Variants in NAALADL2 observed in about 807,000 individuals in gnomAD.
The protein encoded by NAALADL2 is N-acetylated alpha-linked acidic dipeptidase like 2, also known as inactive N-acetylated-alpha-linked acidic dipeptidase-like protein 2.
A neutral mutation model predicts 87.2 loss-of-function variants in NAALADL2; 76 were observed. The observed-to-expected ratio is 0.87, with a 90% confidence interval of 0.72 to 1.05. NAALADL2 has a LOEUF of 1.05. Ranked by LOEUF, NAALADL2 falls within the 50% of genes least tolerant of loss-of-function variation. NAALADL2 has a pLI of 0.00. For missense variants in NAALADL2, 1,089 were observed against 945.8 expected, an observed-to-expected ratio of 1.15 and a Z score of -1.99; for synonymous variants, 354 against 331.0, an observed-to-expected ratio of 1.07 and a Z score of -0.75.
chr3:175,619,269 AGAAG>A (rs796946622), intron 10 of NAALADL2, among the ~76,000 whole-genome samples: 2,984 of 80,824 alleles, frequency 0.037, 37 homozygotes, highest in Non-Finnish European at 0.057. Context: ...GGAAGGAAGG[AGAAG>A]GAAAGAAAGA....
chr3:175,031,605 A>G (rs984335622), intron 1 of NAALADL2, among the ~76,000 whole-genome samples: 8 of 151,978 alleles, frequency 5.3e-5, no homozygotes, highest in African/African-American at 1.9e-4. Flanking sequence ...TTTTTGGTAG[A>G]ACGATTTATT....
intron 4 of NAALADL2, among the ~76,000 whole-genome samples, chr3:175,280,342 C>T (rs966712325): frequency 6.6e-6 from 1 of 152,050 alleles, no homozygotes; most frequent in Non-Finnish European, 1.5e-5. Flanking sequence ...CAGTTTACTG[C>T]CCCTCCTTCC....
At chr3:175,713,878 C>T (rs909150341) in intron 11 of NAALADL2, among the ~76,000 whole-genome samples, 1 of 152,096 alleles carries the variant, frequency 6.6e-6, no homozygotes, top group African/African-American at 2.4e-5. Context: ...TACCCCTTCT[C>T]TAGCCCCCCA....
At chr3:175,298,882 T>G (rs1005804680) in intron 4 of NAALADL2, among the ~76,000 whole-genome samples, 2 of 152,206 alleles carry the variant, frequency 1.3e-5, no homozygotes, top group Admixed American at 6.6e-5. Flanking sequence ...ATCCTTTGGT[T>G]AAATCTTTCT....
rs553428639 is a variant in NAALADL2, at chr3:175,660,945, G to T, written c.1896+33559G>T. Among the ~76,000 whole-genome samples, 2 of 152,120 alleles carry T rather than the reference G, an allele frequency of 1.3e-5. 1 individual carries two copies. Among genetic ancestry groups the T allele is most frequent in the East Asian group, 3.9e-4 (2 of 5,172 alleles). The stretch of plus-strand genomic sequence containing the variant: ...CTATATCTTGCCTATTGTGAATAGG[G>T]CTGCAATAAACATGACGGTGCAGAT... On this transcript the variant is annotated intron_variant, in intron 11 of 13. Coordinates refer to ENST00000454872, the MANE Select transcript of NAALADL2 (RefSeq NM_207015.3).
chr3:174,496,916 A>G (rs1284887049), intron 1 of NAALADL2, among the ~76,000 whole-genome samples: 1 of 152,144 alleles, frequency 6.6e-6, no homozygotes, highest in Admixed American at 6.5e-5. Context: ...ATTGTAAGTG[A>G]TAAAAATAAT....
At chr3:174,962,412 C>CATATATAT (rs59026426) in intron 1 of NAALADL2, among the ~76,000 whole-genome samples, 38 of 89,048 alleles carry the variant, frequency 4.3e-4, no homozygotes, top group African/African-American at 1.9e-3. Flanking sequence ...GTGACTATGA[C>CATATATAT]ATATATATAT....
At chr3:175,073,089 C>G (rs1389351012) in intron 1 of NAALADL2, among the ~76,000 whole-genome samples, 1 of 152,008 alleles carries the variant, frequency 6.6e-6, no homozygotes, top group Non-Finnish European at 1.5e-5. Context: ...TGCCACAAAT[C>G]TGTTGGCACT....
intron 1 of NAALADL2, among the ~76,000 whole-genome samples, chr3:174,895,529 C>A (rs1225273561): frequency 2.0e-5 from 3 of 151,952 alleles, no homozygotes; most frequent in Non-Finnish European, 4.4e-5. Context: ...AGATGGTAGC[C>A]ATAATACAAA....
intron 2 of NAALADL2, among the ~76,000 whole-genome samples, chr3:174,727,356 G>A (rs1296150907): frequency 6.6e-6 from 1 of 151,800 alleles, no homozygotes; most frequent in Non-Finnish European, 1.5e-5. Context: ...TTCCCAAAAT[G>A]GGTAATGTTC....
At chr3:175,031,819 G>A (rs573469889) in intron 1 of NAALADL2, among the ~76,000 whole-genome samples, 12 of 152,014 alleles carry the variant, frequency 7.9e-5, no homozygotes, top group Non-Finnish European at 1.6e-4. Context: ...TCTGACTGGT[G>A]TGAGATGGTA....
At chr3:175,518,860 G>A (rs1732246102) in intron 9 of NAALADL2, among the ~76,000 whole-genome samples, 1 of 152,144 alleles carries the variant, frequency 6.6e-6, no homozygotes, top group Admixed American at 6.5e-5. Context: ...CTTACAAAAG[G>A]CAGATTAATA....
chr3:174,605,893 C>T (rs754819563), intron 2 of NAALADL2, among the ~76,000 whole-genome samples: 40 of 152,228 alleles, frequency 2.6e-4, no homozygotes, highest in Middle Eastern at 3.4e-3. Context: ...CCCTGATCCC[C>T]GAGCAGCCTA....
At chr3:174,446,366 G>C (rs1248803635) in intron 1 of NAALADL2, among the ~76,000 whole-genome samples, 3 of 152,054 alleles carry the variant, frequency 2.0e-5, no homozygotes, top group Non-Finnish European at 4.4e-5. Context: ...TTTTAAAGTA[G>C]TACAAATGGC....
Position 175,452,673 on chromosome 3 carries a change from A to T in NAALADL2, c.1234+5301A>T, listed in dbSNP as rs184413892. 2.1e-3 allele frequency among the ~76,000 whole-genome samples: 321 copies of T among 152,306 alleles called. 4 individuals carry two copies. Among genetic ancestry groups the T allele is most frequent in the Admixed American group, 0.019 (293 of 15,272 alleles). Reference sequence around the variant, plus strand: ...CCAGATCAACTGTCTTCAAGCAGTCAGTTACATAGTGAACCTAGGAGTCTG... The same window carrying T: ...CCAGATCAACTGTCTTCAAGCAGTCTGTTACATAGTGAACCTAGGAGTCTG... On this transcript the variant is annotated intron_variant, in intron 6 of 13. Coordinates refer to ENST00000454872, the MANE Select transcript of NAALADL2 (RefSeq NM_207015.3).
chr3:174,864,130 T>C (rs1726848007), intron 1 of NAALADL2: 1 of 451,518 alleles, frequency 2.2e-6, no homozygotes, highest in Non-Finnish European at 4.4e-6. Context: ...CAAAGGTGCA[T>C]GTGAAGATGG....
chr3:174,751,111 G>A (rs1734776223), intron 3 of NAALADL2, among the ~76,000 whole-genome samples: 3 of 151,934 alleles, frequency 2.0e-5, no homozygotes, highest in Admixed American at 2.0e-4. Context: ...TCAAATAATA[G>A]TGATGATAGT....
intron 3 of NAALADL2, among the ~76,000 whole-genome samples, chr3:174,756,295 G>A (rs1306803890): frequency 6.6e-6 from 1 of 152,150 alleles, no homozygotes; most frequent in South Asian, 2.1e-4. Flanking sequence ...TAACCAACCA[G>A]TATTCAGTAA....
chr3:175,076,292 T>G (rs1239348433), intron 1 of NAALADL2, among the ~76,000 whole-genome samples: 1 of 151,378 alleles, frequency 6.6e-6, no homozygotes, highest in Non-Finnish European at 1.5e-5. Context: ...ACATGTTGGG[T>G]CTTGCTTCTG....
Sources: allele counts gnomAD v4.1 joint callset (sites outside exome capture counted in the v4.1 genomes callset), GRCh38; gene constraint gnomAD v4.1.1; transcripts MANE v1.5; gene names NCBI Gene and HGNC (gene_info 2026-07-23, HGNC 2026-07-21).